Variants in ADGRL3 observed in about 807,000 individuals in gnomAD.
ADGRL3 encodes the protein adhesion G protein-coupled receptor L3, also known as calcium-independent alpha-latrotoxin receptor 3.
Under a neutral mutation model 153.5 loss-of-function variants are expected in ADGRL3, and 62 were observed. The observed-to-expected ratio is 0.40, with a 90% CI of 0.33 to 0.50. ADGRL3 has a LOEUF of 0.50. ADGRL3 is among the 20% of genes least tolerant of loss of function. The probability of loss-of-function intolerance (pLI) is 0.47; values close to 1 mark genes in which losing one functional copy is unlikely to be tolerated. For missense variants in ADGRL3, 1,641 were observed against 1,859.4 expected (o/e 0.88, Z 2.16); for synonymous variants, 710 against 672.5 (o/e 1.06, Z -0.86).
chr4:61,792,961 C>A (rs761983663), intron 8 of ADGRL3, among the ~76,000 whole-genome samples: 10 of 151,550 alleles, frequency 6.6e-5, no homozygotes, highest in Non-Finnish European at 1.5e-4. Context: ...AAAGACATAC[C>A]CGCGACTGGG....
chr4:61,726,210 G>GTTTTTTTTTTTGTTTTTTTTTTTTT (rs149472429), intron 6 of ADGRL3, among the ~76,000 whole-genome samples: 2 of 118,480 alleles, frequency 1.7e-5, no homozygotes, highest in African/African-American at 6.3e-5. Context: ...TTTTTTTTTT[G>GTTTTTTTTTTTGTTTTTTTTTTTTT]TTTTTTGAGA....
intron 5 of ADGRL3, among the ~76,000 whole-genome samples, chr4:61,646,358 A>C (rs4860098): frequency 1.3e-5 from 2 of 151,598 alleles, no homozygotes; most frequent in Non-Finnish European, 2.9e-5. Flanking sequence ...GAGGAGAGGC[A>C]CTCTGCTTTT....
intron 9 of ADGRL3, among the ~76,000 whole-genome samples, chr4:61,843,269 G>T (rs887463648): frequency 2.0e-5 from 3 of 152,138 alleles, no homozygotes; most frequent in Admixed American, 6.5e-5. Flanking sequence ...TGTAGGAGAG[G>T]CTGATAATGT....
chr4:62,012,264 C>A (rs1467041202), intron 21 of ADGRL3, among the ~76,000 whole-genome samples: 1 of 152,134 alleles, frequency 6.6e-6, no homozygotes, highest in East Asian at 1.9e-4. Context: ...AAGACAGGTG[C>A]TCCCTGGTTC....
intron 4 of ADGRL3, among the ~76,000 whole-genome samples, chr4:61,547,635 C>T (rs1199325268): frequency 6.6e-6 from 1 of 151,764 alleles, no homozygotes; most frequent in East Asian, 1.9e-4. Flanking sequence ...GTATATGTAC[C>T]ATGTTATCCA....
rs559981008 is a variant in ADGRL3, at chr4:61,306,494, A to C, written c.-239-76630A>C. Among the ~76,000 whole-genome samples the C allele has an allele frequency of 8.0e-5, 12 of 150,590 alleles. 1 individual carries two copies. In the East Asian group the frequency reaches 2.3e-3, roughly 29 times the overall value. On this transcript the variant is annotated intron_variant, in intron 1 of 26. Transcript: ENST00000683033. ...GGCCATGTAGGCATTACACTGAGTA[A>C]CATGTAAATTTCCATGTGAACTTTC...
Position 61,815,721 on chromosome 4 carries a change from A to T in ADGRL3, c.1480+1832A>T, listed in dbSNP as rs539166360. Among the ~76,000 whole-genome samples, 17 of 152,334 alleles carry T rather than the reference A, an allele frequency of 1.1e-4. No individual in the cohort carries two copies. In the South Asian group the frequency reaches 2.7e-3, roughly 24 times the overall value. On this transcript the variant is annotated intron_variant, in intron 9 of 26. Coordinates refer to ENST00000683033, the MANE Select transcript of ADGRL3 (RefSeq NM_001387552.1). The stretch of plus-strand genomic sequence containing the variant: ...ACATTTAGGAGATGATTACGGCATA[A>T]GGCCACTGACCTAATGAATGGATTG...
At chr4:61,611,227 T>C (rs1343364395) in intron 5 of ADGRL3, among the ~76,000 whole-genome samples, 1 of 151,902 alleles carries the variant, frequency 6.6e-6, no homozygotes, top group Non-Finnish European at 1.5e-5. Flanking sequence ...ACAGAGGAAA[T>C]AGATGAGATG....
chr4:61,261,232 A>G (rs1276423083), intron 1 of ADGRL3, among the ~76,000 whole-genome samples: 1 of 102,528 alleles, frequency 9.8e-6, no homozygotes, highest in Non-Finnish European at 1.9e-5. Flanking sequence ...AGGTCTTGTT[A>G]TGTTCCCCAG....
chr4:61,826,788 G>A (rs547320088), intron 9 of ADGRL3, among the ~76,000 whole-genome samples: 171 of 151,272 alleles, frequency 1.1e-3, no homozygotes, highest in African/African-American at 4.0e-3. Context: ...GAGAGGGGAG[G>A]GATAGCATTA....
At chr4:62,021,609 A>G (rs2099238588) in intron 21 of ADGRL3, among the ~76,000 whole-genome samples, 1 of 152,138 alleles carries the variant, frequency 6.6e-6, no homozygotes. Context: ...CTCTATTTCA[A>G]GCAAGTCTAT....
chr4:61,586,293 C>T (rs901063316), intron 4 of ADGRL3, among the ~76,000 whole-genome samples: 3 of 151,774 alleles, frequency 2.0e-5, no homozygotes, highest in African/African-American at 7.3e-5. Flanking sequence ...CCAAGGTGCA[C>T]AGATAGGTTT....
intron 1 of ADGRL3, among the ~76,000 whole-genome samples, chr4:61,366,792 TTTG>T (rs969523614): frequency 1.3e-5 from 2 of 152,216 alleles, no homozygotes; most frequent in African/African-American, 4.8e-5. Context: ...TTGCTGTTGC[TTTG>T]TTATTTTTAC....
intron 6 of ADGRL3, among the ~76,000 whole-genome samples, chr4:61,681,175 G>A (rs554400715): frequency 2.0e-5 from 3 of 152,144 alleles, no homozygotes; most frequent in South Asian, 2.1e-4. Flanking sequence ...ATCTAGAGCT[G>A]CCTTCATTCA....
At chr4:61,554,136 A>G (rs1050196256) in intron 4 of ADGRL3, among the ~76,000 whole-genome samples, 1 of 145,830 alleles carries the variant, frequency 6.9e-6, no homozygotes, top group South Asian at 2.2e-4. Flanking sequence ...ATTGGATCCT[A>G]TTTGCTTATA....
At chr4:61,932,628 A>AT (rs2098822207) in intron 13 of ADGRL3, among the ~76,000 whole-genome samples, 1 of 152,066 alleles carries the variant, frequency 6.6e-6, no homozygotes, top group Admixed American at 6.6e-5. Context: ...TATGGCCTGC[A>AT]GTTTTCTCGT....
At chr4:61,380,402 A>T (rs928715777) in intron 1 of ADGRL3, among the ~76,000 whole-genome samples, 2 of 152,020 alleles carry the variant, frequency 1.3e-5, no homozygotes, top group Non-Finnish European at 2.9e-5. Context: ...TAAACTTTCC[A>T]TTTTAGGATT....
At position 61,977,780 on chromosome 4, in the gene ADGRL3, T is replaced by C. The variant is rs554321377; in HGVS notation, c.2806-1783T>C. 2.6e-4 allele frequency among the ~76,000 whole-genome samples: 39 copies of C among 152,296 alleles called. 1 individual carries two copies. The Middle Eastern group carries it at 0.014, about 53-fold the overall frequency. ...TATGTGTTTTTTAAATGTCTGCCTT[T>C]AAAAATCAATTTTTTTTCAATATTT... On this transcript the variant is annotated intron_variant, in intron 17 of 26. Transcript: ENST00000683033.
intron 1 of ADGRL3, among the ~76,000 whole-genome samples, chr4:61,316,419 T>A (rs1291599268): frequency 6.6e-6 from 1 of 152,194 alleles, no homozygotes; most frequent in Non-Finnish European, 1.5e-5. Context: ...TTGGATTTTT[T>A]AAAATTAGGT....
Sources: allele counts gnomAD v4.1 joint callset (sites outside exome capture counted in the v4.1 genomes callset), GRCh38; gene constraint gnomAD v4.1.1; transcripts MANE v1.5; gene names NCBI Gene and HGNC (gene_info 2026-07-23, HGNC 2026-07-21).